SLC28A2: variants seen among roughly 807,000 people sequenced by gnomAD.
SLC28A2 encodes solute carrier family 28 member 2, also known as sodium/nucleoside cotransporter 2.
In SLC28A2, 69 loss-of-function variants were observed where a neutral mutation model predicts 72.9. The ratio of observed to expected loss-of-function variants is 0.95; its 90% CI spans 0.78 to 1.16. The LOEUF is 1.16. Among genes scored for constraint, SLC28A2 ranks in the 50% most tolerant of loss-of-function variants. The pLI is 0.00. For missense variants in SLC28A2, 745 were observed against 791.1 expected, an observed-to-expected ratio of 0.94 and a Z score of 0.70; for synonymous variants, 296 against 294.1, an observed-to-expected ratio of 1.01 and a Z score of -0.07.
At chr15:45,274,931 G>A (rs182024067) in intron 17 of SLC28A2, among the ~76,000 whole-genome samples, 1 of 152,194 alleles carries the variant, frequency 6.6e-6, no homozygotes, top group Admixed American at 6.5e-5. Flanking sequence ...CGTTCATCAT[G>A]TTGCCTGATT....
Position 45,277,624 on chromosome 15 carries a change from G to A in SLC28A2, c.*2111G>A, listed in dbSNP as rs1900787174. Reference sequence around the variant, plus strand: ...TATTCAGAATATATAAATCCATAGAGACAGAAGGGAGATGGTGGTTGCCAG... The same window carrying A: ...TATTCAGAATATATAAATCCATAGAAACAGAAGGGAGATGGTGGTTGCCAG... On this transcript the variant is annotated 3_prime_UTR_variant, in exon 18 of 18. Coordinates refer to ENST00000347644, the MANE Select transcript of SLC28A2 (RefSeq NM_004212.4). 1 of 149,946 alleles carries A rather than the reference G, an allele frequency of 6.7e-6. No individual in the cohort carries two copies. The highest frequency in any genetic ancestry group is 6.7e-5 in the Admixed American group (1 of 14,954). The allele number at this position is 149,946 out of a possible 1,614,324, so 9.3% of individuals were successfully genotyped here.
Position 45,268,222 on chromosome 15 carries a change from T to A in SLC28A2, c.1212T>A (p.Asn404Lys). Reference sequence around the variant, plus strand: ...CCAATAACCACAGGAAGGAGAGGAATGTCCTGGAAGCTGCCAGCAACGGAG... The same window carrying A: ...CCAATAACCACAGGAAGGAGAGGAAAGTCCTGGAAGCTGCCAGCAACGGAG... Reference protein sequence around the residue: ...GVKLPRGKERNVLEAASNGAV... With the variant: ...GVKLPRGKERKVLEAASNGAV... The change falls in exon 13 of 18, where the codon AAT (asparagine) becomes AAA (lysine). Residue 404 changes from asparagine (N) to lysine (K), a missense_variant. By Grantham distance (94) the Asn-to-Lys change is moderately conservative (BLOSUM62 0). Transcript: ENST00000347644. 6.2e-7 allele frequency: 1 copy of A among 1,602,748 alleles called. No individual in the cohort carries two copies. The highest frequency in any genetic ancestry group is 8.5e-7 in the Non-Finnish European group (1 of 1,170,502).
Position 45,272,760 on chromosome 15 carries a change from T to A in SLC28A2, c.1835T>A (p.Met612Lys), listed in dbSNP as rs373539209. The change falls in exon 17 of 18, where the codon ATG becomes AAG. Residue 612 changes from methionine to lysine, a missense_variant. Transcript: ENST00000347644. ...SFTNRTYETYMCCRGLFQSTS... is the reference protein window; with the variant it reads ...SFTNRTYETYKCCRGLFQSTS... ...ACCAATAGAACCTATGAGACCTACATGTGCTGCAGAGGGCTCTTTCAGAGG... is the reference window on the plus strand; with the variant it reads ...ACCAATAGAACCTATGAGACCTACAAGTGCTGCAGAGGGCTCTTTCAGAGG... The A allele has an allele frequency of 1.9e-6, 3 of 1,608,796 alleles. No homozygotes were observed. Among genetic ancestry groups the A allele is most frequent in the Non-Finnish European group, 2.6e-6 (3 of 1,175,250 alleles).
chr15:45,273,207 T>C (rs1900642823), intron 17 of SLC28A2, among the ~76,000 whole-genome samples: 1 of 152,164 alleles, frequency 6.6e-6, no homozygotes, highest in Non-Finnish European at 1.5e-5. Flanking sequence ...GTGATTGGAA[T>C]ACAGGTAGGT....
Position 45,264,000 on chromosome 15 carries a change from C to T in SLC28A2, c.566C>T (p.Ala189Val), listed in dbSNP as rs780177018. ...GICMFILILFACSKHHSAVSW... is the reference protein window; with the variant it reads ...GICMFILILFVCSKHHSAVSW... ...TGCATGTTCATCCTTATCCTCTTTG[C>T]CTGCTCCAAACACCACAGCGCAGTG... Residue 189 changes from alanine to valine, a missense_variant, in exon 6 of 18, where the codon GCC becomes GTC. Coordinates refer to ENST00000347644, the MANE Select transcript of SLC28A2 (RefSeq NM_004212.4). 2.5e-6 allele frequency: 4 copies of T among 1,612,792 alleles called. No homozygotes were observed. Among genetic ancestry groups the T allele is most frequent in the South Asian group, 2.2e-5 (2 of 90,542 alleles).
At chr15:45,255,744 G>A (rs1266012009) in intron 3 of SLC28A2, among the ~76,000 whole-genome samples, 2 of 152,112 alleles carry the variant, frequency 1.3e-5, no homozygotes, top group African/African-American at 4.8e-5. Flanking sequence ...ATAACTTCAT[G>A]AGCTCACATG....
intron 3 of SLC28A2, among the ~76,000 whole-genome samples, chr15:45,260,922 T>A (rs1900142436): frequency 6.6e-6 from 1 of 152,084 alleles, no homozygotes. Context: ...TAACACAGGG[T>A]TGGGCTTCCT....
At chr15:45,275,178 C>T (rs370088248) in intron 17 of SLC28A2, among the ~76,000 whole-genome samples, 1 of 152,080 alleles carries the variant, frequency 6.6e-6, no homozygotes, top group Non-Finnish European at 1.5e-5. Context: ...TTAGGAGTTG[C>T]GCAAAGGAAC....
Position 45,268,341 on chromosome 15 carries a change from T to G in SLC28A2, c.1331T>G (p.Leu444Arg). ...LAFINAALSW[L>R]GELVDIQGLT... Reference sequence around the variant, plus strand: ...TTCATCAATGCTGCCCTCTCCTGGCTGGGGGAATTGGTGGACATACAGGGG... The same window carrying G: ...TTCATCAATGCTGCCCTCTCCTGGCGGGGGGAATTGGTGGACATACAGGGG... Residue 444 changes from leucine (L) to arginine (R), a missense_variant, in exon 13 of 18, where the codon CTG becomes CGG. By Grantham distance (102) the Leu-to-Arg change is moderately radical (BLOSUM62 -2). Coordinates refer to ENST00000347644, the MANE Select transcript of SLC28A2 (RefSeq NM_004212.4). 6 of 1,606,196 alleles carry G rather than the reference T, an allele frequency of 3.7e-6. No individual in the cohort carries two copies. Among genetic ancestry groups the G allele is most frequent in the Non-Finnish European group, 5.1e-6 (6 of 1,173,512 alleles).
At position 45,275,415 on chromosome 15, in the gene SLC28A2, A is replaced by C. The variant is rs753731208; in HGVS notation, c.1879A>C (p.Asn627His). ...LFQSTSLNGT[N>H]PPSFSGPWED... Reference sequence around the variant, plus strand: ...CTGCAGTACTTCTCTGAATGGCACCAACCCTCCTTCTTTTTCTGGTCCCTG... The same window carrying C: ...CTGCAGTACTTCTCTGAATGGCACCCACCCTCCTTCTTTTTCTGGTCCCTG... Residue 627 changes from asparagine (N) to histidine (H), a missense_variant, in exon 18 of 18, where the codon AAC (asparagine) becomes CAC (histidine). Asn to His is a moderately conservative substitution (Grantham distance 68). Transcript: ENST00000347644. The C allele has an allele frequency of 8.7e-6, 14 of 1,610,506 alleles. No homozygotes were observed. The highest frequency in any genetic ancestry group is 1.2e-5 in the Non-Finnish European group (14 of 1,176,888).
At position 45,263,064 on chromosome 15, in the gene SLC28A2, A is replaced by G. The variant is rs1333081297; in HGVS notation, c.266A>G (p.Tyr89Cys). ...ACTCTGCTTCTTCTCTTTTTAGCCT[A>G]TGCTGCCTATCTCCTGGCAGCTTGC... Reference protein sequence around the residue: ...KILLGLLCLAYAAYLLAACIL... With the variant: ...KILLGLLCLACAAYLLAACIL... The change falls in exon 5 of 18, where the codon TAT becomes TGT. Residue 89 changes from tyrosine to cysteine, a missense_variant. By Grantham distance (194) the Tyr-to-Cys change is radical. Transcript: ENST00000347644. The G allele has an allele frequency of 6.2e-7, 1 of 1,612,544 alleles. No homozygotes were observed. The highest frequency in any genetic ancestry group is 2.2e-5 in the East Asian group (1 of 44,870).
intron 10 of SLC28A2, 41 bp from the exon 11 acceptor site, chr15:45,267,414 T>TA (rs759852244): frequency 6.2e-7 from 1 of 1,612,650 alleles, no homozygotes; most frequent in Non-Finnish European, 8.5e-7. Context: ...CATGGGGAGT[T>TA]ACACCTTCTT....
chr15:45,254,223 C>T (rs1255203338), intron 3 of SLC28A2, among the ~76,000 whole-genome samples: 1 of 119,920 alleles, frequency 8.3e-6, no homozygotes. Flanking sequence ...AGAAGTCATA[C>T]ACTAAAAGCT....
At chr15:45,264,083 A>G (rs995818324) in intron 6 of SLC28A2, 61 bp downstream of exon 6, 9 of 1,466,888 alleles carry the variant, frequency 6.1e-6, no homozygotes, top group East Asian at 2.3e-5. Flanking sequence ...AGTGCTAATC[A>G]TAAAGCGTAT....
chr15:45,261,128 C>T (rs1900149025), intron 3 of SLC28A2, among the ~76,000 whole-genome samples: 1 of 152,202 alleles, frequency 6.6e-6, no homozygotes, highest in South Asian at 2.1e-4. Flanking sequence ...TTGCTGGGAT[C>T]ACCTTCTCTG....
intron 6 of SLC28A2, among the ~76,000 whole-genome samples, chr15:45,264,335 A>C (rs1246746979): frequency 6.6e-6 from 1 of 152,268 alleles, no homozygotes; most frequent in African/African-American, 2.4e-5. Flanking sequence ...AGAATACAGT[A>C]GAAAATCAAC....
intron 3 of SLC28A2, among the ~76,000 whole-genome samples, chr15:45,254,389 C>A (rs1282838582): frequency 1.3e-5 from 2 of 152,214 alleles, no homozygotes; most frequent in Non-Finnish European, 1.5e-5. Context: ...AATTATAATA[C>A]TGTATTTTTA....
At chr15:45,252,575 G>A (rs941060510) in intron 1 of SLC28A2, among the ~76,000 whole-genome samples, 23 of 152,114 alleles carry the variant, frequency 1.5e-4, no homozygotes, top group Non-Finnish European at 3.4e-4. Flanking sequence ...AGGCCCAAAT[G>A]TTTGCTTATT....
chr15:45,271,520 C>A (rs976706024), intron 15 of SLC28A2, among the ~76,000 whole-genome samples: 1 of 149,768 alleles, frequency 6.7e-6, no homozygotes, highest in Non-Finnish European at 1.5e-5. Context: ...TGTGATTGCA[C>A]CACTGCACTC....
Sources: allele counts gnomAD v4.1 joint callset (sites outside exome capture counted in the v4.1 genomes callset), GRCh38; gene constraint gnomAD v4.1.1; transcripts MANE v1.5; gene names NCBI Gene and HGNC (gene_info 2026-07-23, HGNC 2026-07-21).